Variants in TUT4 observed in about 807,000 individuals in gnomAD.
The protein encoded by TUT4 is terminal uridylyltransferase 4.
TUT4 carries 36 observed loss-of-function variants against 192.2 expected under a neutral mutation model. The ratio of observed to expected loss-of-function variants is 0.19; its 90% CI spans 0.14 to 0.25. The LOEUF (loss-of-function observed/expected upper bound fraction) is 0.25, where lower values mean the gene tolerates loss of function less well. TUT4 is among the 10% of genes least tolerant of loss of function. The pLI is 1.00. For missense variants in TUT4, 1,493 were observed against 1,957.2 expected (o/e 0.76, Z 4.47); for synonymous variants, 618 against 666.0 (o/e 0.93, Z 1.11).
At chr1:52,516,153 T>A in intron 2 of TUT4, 99 bp from the exon 3 acceptor site, 1 of 922,894 alleles carries the variant, frequency 1.1e-6, no homozygotes, top group Non-Finnish European at 1.6e-6. Flanking sequence ...GAAAAAATAT[T>A]ATTTCCTTAT....
intron 1 of TUT4, among the ~76,000 whole-genome samples, chr1:52,527,679 T>C (rs183460385): frequency 8.7e-4 from 132 of 152,244 alleles, no homozygotes; most frequent in African/African-American, 3.1e-3. Flanking sequence ...AAAATGCACA[T>C]TACCAAGAAT....
chr1:52,430,389 C>A (rs755707765), intron 28 of TUT4, among the ~76,000 whole-genome samples: 2 of 152,008 alleles, frequency 1.3e-5, no homozygotes, highest in African/African-American at 2.4e-5. Flanking sequence ...TTCAAGCGAG[C>A]CTCCTGCCTC....
chr1:52,510,613 C>T (rs1224234256), intron 3 of TUT4, among the ~76,000 whole-genome samples: 3 of 152,150 alleles, frequency 2.0e-5, no homozygotes, highest in Non-Finnish European at 4.4e-5. Context: ...AGTCACAGAA[C>T]GTCACTCATA....
chr1:52,519,996 G>A (rs968975677), intron 2 of TUT4, among the ~76,000 whole-genome samples: 1 of 152,076 alleles, frequency 6.6e-6, no homozygotes, highest in Non-Finnish European at 1.5e-5. Context: ...TCCAGCCTGG[G>A]CATCAGAGTG....
At chr1:52,449,697 G>A (rs185887645) in intron 20 of TUT4, among the ~76,000 whole-genome samples, 4 of 152,168 alleles carry the variant, frequency 2.6e-5, no homozygotes, top group Non-Finnish European at 1.5e-5. Flanking sequence ...ATACTGTCAC[G>A]CTACCATCAC....
chr1:52,504,402 C>T (rs543146222), intron 4 of TUT4, among the ~76,000 whole-genome samples: 5 of 152,134 alleles, frequency 3.3e-5, no homozygotes, highest in South Asian at 2.1e-4. Flanking sequence ...GAGGCTGACG[C>T]GGGTGGATCA....
rs140797521 is a variant in TUT4 at position 52,495,504 on chromosome 1, T to C, written c.1189A>G (p.Arg397Gly). The change falls in exon 6 of 30, where the codon AGG becomes GGG. Residue 397 changes from arginine to glycine, a missense_variant. Physicochemically the swap from Arg to Gly is moderately radical, Grantham distance 125. This residue lies in a region of TUT4 where 437 missense variants were observed against 577.6 expected (regional missense o/e 0.76). Transcript: ENST00000257177. ...CTAGTCAGAGATGAGCCATACAACCTAAGTGAACATTCTGGAATAAAGGAA... is the reference window on the plus strand; with the variant it reads ...CTAGTCAGAGATGAGCCATACAACCCAAGTGAACATTCTGGAATAAAGGAA... ...ITTFLPECSL[R>G]LYGSSLTRFA... 2.5e-5 allele frequency: 41 copies of C among 1,608,078 alleles called. No homozygotes were observed. The highest frequency in any genetic ancestry group is 3.3e-5 in the Non-Finnish European group (39 of 1,176,610).
At chr1:52,498,969 C>T (rs1673354757) in intron 4 of TUT4, among the ~76,000 whole-genome samples, 7 of 99,994 alleles carry the variant, frequency 7.0e-5, no homozygotes, top group African/African-American at 8.1e-5. Flanking sequence ...TGACATTTTT[C>T]ACAGAAATAT....
intron 2 of TUT4, among the ~76,000 whole-genome samples, chr1:52,521,223 C>T (rs1453419347): frequency 6.6e-6 from 1 of 152,082 alleles, no homozygotes. Context: ...CAGTTCCTGG[C>T]ATGTAGTGGA....
At chr1:52,499,166 A>T (rs1673415470) in intron 4 of TUT4, among the ~76,000 whole-genome samples, 1 of 151,722 alleles carries the variant, frequency 6.6e-6, no homozygotes, top group Admixed American at 6.6e-5. Flanking sequence ...TGAGAAGCCA[A>T]GGCAGGTGGA....
intron 13 of TUT4, 142 bp downstream of exon 13, chr1:52,474,690 A>G: frequency 2.7e-6 from 2 of 735,128 alleles, no homozygotes; most frequent in East Asian, 2.8e-5. Context: ...TGAAAAACAC[A>G]AAAGGTAAAA....
At chr1:52,552,181 CT>C (rs1689619644) in intron 1 of TUT4, among the ~76,000 whole-genome samples, 1 of 152,238 alleles carries the variant, frequency 6.6e-6, no homozygotes, top group South Asian at 2.1e-4. Flanking sequence ...TCAAGTACGA[CT>C]AGAAATCCCG....
At chr1:52,496,149 G>C (rs867378699) in intron 5 of TUT4, among the ~76,000 whole-genome samples, 2 of 152,118 alleles carry the variant, frequency 1.3e-5, no homozygotes, top group African/African-American at 4.8e-5. Context: ...GATTGGGACA[G>C]ATCAAGAAGA....
intron 28 of TUT4, 71 bp downstream of exon 28, chr1:52,430,942 A>C (rs1641480616): frequency 6.8e-7 from 1 of 1,465,646 alleles, no homozygotes; most frequent in Non-Finnish European, 9.2e-7. Flanking sequence ...CTTTTTCCTC[A>C]CATTGTTTCT....
intron 4 of TUT4, among the ~76,000 whole-genome samples, chr1:52,498,972 A>C (rs2149189554): frequency 1.5e-5 from 2 of 133,110 alleles, no homozygotes; most frequent in African/African-American, 5.5e-5. Context: ...CATTTTTCAC[A>C]GAAATATAAA....
chr1:52,449,980 A>G (rs115567107), intron 20 of TUT4, among the ~76,000 whole-genome samples: 140 of 152,338 alleles, frequency 9.2e-4, no homozygotes, highest in African/African-American at 3.2e-3. Flanking sequence ...AAAATTTTTC[A>G]TAAAATCATG....
At position 52,425,213 on chromosome 1, in the gene TUT4, GAC is replaced by G. The variant is rs3055567; in HGVS notation, c.4870+134_4870+135del. 1.8e-3 allele frequency: 2,033 copies of G among 1,120,298 alleles called. 29 individuals carry two copies. The African/African-American group carries it at 0.029, about 16-fold the overall frequency. 69.4% of individuals were successfully genotyped at this position (1,120,298 alleles called of 1,614,324 possible). On this transcript the variant is annotated intron_variant, in intron 29 of 29. Transcript: ENST00000257177. ...GTTTTACAAGCACCTAGCACCATCTGACACACAGTATAATTTCTCAGTAAATG... is the reference window on the plus strand; with the variant it reads ...GTTTTACAAGCACCTAGCACCATCTGACACAGTATAATTTCTCAGTAAATG...
intron 20 of TUT4, 135 bp from the exon 21 acceptor site, chr1:52,446,802 T>C: frequency 1.6e-6 from 1 of 611,614 alleles, no homozygotes; most frequent in Non-Finnish European, 2.8e-6. Flanking sequence ...GTCAGGATGA[T>C]GGTATAATTT....
At position 52,525,712 on chromosome 1, in the gene TUT4, G is replaced by T. The variant is rs1255867257; in HGVS notation, c.569C>A (p.Ser190Tyr). Residue 190 changes from serine (S) to tyrosine (Y), a missense_variant, in exon 2 of 30, where the codon TCT becomes TAT. Around this residue, in one of 7 missense-constraint regions of TUT4, gnomAD observed 260 missense variants for 247.8 expected, o/e 1.05. Coordinates refer to ENST00000257177, the MANE Select transcript of TUT4 (RefSeq NM_001009881.3). ...IGKKIPSSFTSVDKVNIEAVG... is the reference protein window; with the variant it reads ...IGKKIPSSFTYVDKVNIEAVG... The stretch of plus-strand genomic sequence containing the variant: ...AGCTTCAATATTCACTTTGTCCACA[G>T]AAGTAAAGGAGCTTGGAATTTTTTT... 5 of 1,613,998 alleles carry T rather than the reference G, an allele frequency of 3.1e-6. No homozygotes were observed. The highest frequency in any genetic ancestry group is 4.2e-6 in the Non-Finnish European group (5 of 1,180,024).
Sources: allele counts gnomAD v4.1 joint callset (sites outside exome capture counted in the v4.1 genomes callset), GRCh38; gene constraint gnomAD v4.1.1; regional missense constraint gnomAD v4.1.1; transcripts MANE v1.5; gene names NCBI Gene and HGNC (gene_info 2026-07-23, HGNC 2026-07-21).